NLGN1: variants seen among roughly 807,000 people sequenced by gnomAD.
NLGN1 encodes the protein neuroligin 1.
NLGN1 carries 12 observed loss-of-function variants against 65.5 expected under a neutral mutation model. That is an observed-to-expected ratio of 0.18 (90% CI 0.12 to 0.30). NLGN1 has a LOEUF of 0.30. Ranked by LOEUF, NLGN1 falls within the 10% of genes least tolerant of loss-of-function variation. The pLI, the probability that NLGN1 is intolerant of heterozygous loss-of-function variation, is 1.00. For missense variants in NLGN1, 750 were observed against 1,007.1 expected (o/e 0.74, Z 3.46); for synonymous variants, 350 against 359.5 (o/e 0.97, Z 0.30).
At chr3:173,776,142 C>G (rs1418265743) in intron 3 of NLGN1, among the ~76,000 whole-genome samples, 1 of 152,022 alleles carries the variant, frequency 6.6e-6, no homozygotes, top group East Asian at 1.9e-4. Flanking sequence ...TCCTGGCTAT[C>G]AGTCTCAAAT....
intron 4 of NLGN1, among the ~76,000 whole-genome samples, chr3:174,189,397 A>G (rs934171180): frequency 6.6e-5 from 10 of 152,016 alleles, no homozygotes; most frequent in African/African-American, 2.2e-4. Context: ...TCATTTCATT[A>G]ATAATGAATT....
chr3:173,716,828 C>T (rs570402118), intron 3 of NLGN1, among the ~76,000 whole-genome samples: 1 of 152,018 alleles, frequency 6.6e-6, no homozygotes, highest in Admixed American at 6.6e-5. Context: ...GCCTATTGTT[C>T]CAAGGTGAAT....
intron 4 of NLGN1, among the ~76,000 whole-genome samples, chr3:174,011,668 T>G (rs1263484697): frequency 1.3e-5 from 2 of 152,272 alleles, no homozygotes; most frequent in African/African-American, 4.8e-5. Context: ...AGGAGTTCTC[T>G]TAATTTCTCC....
At chr3:173,643,633 G>A (rs1051317369) in intron 3 of NLGN1, among the ~76,000 whole-genome samples, 1 of 152,186 alleles carries the variant, frequency 6.6e-6, no homozygotes, top group African/African-American at 2.4e-5. Context: ...TGACATGTAA[G>A]AATGTTAGTG....
intron 4 of NLGN1, among the ~76,000 whole-genome samples, chr3:174,266,353 C>T (rs1748242436): frequency 6.6e-6 from 1 of 152,138 alleles, no homozygotes; most frequent in Admixed American, 6.5e-5. Flanking sequence ...ATAATGGCTT[C>T]AAGCTCCATC....
intron 4 of NLGN1, among the ~76,000 whole-genome samples, chr3:173,833,295 AAT>A (rs1183793333): frequency 6.6e-6 from 1 of 152,148 alleles, no homozygotes; most frequent in Non-Finnish European, 1.5e-5. Flanking sequence ...TTTGGTTTAA[AAT>A]ATATGTCAAT....
At chr3:173,642,928 TAA>T (rs994770048) in intron 3 of NLGN1, among the ~76,000 whole-genome samples, 1 of 152,152 alleles carries the variant, frequency 6.6e-6, no homozygotes, top group African/African-American at 2.4e-5. Flanking sequence ...GACAAGACAT[TAA>T]AAGTCATAAC....
intron 4 of NLGN1, among the ~76,000 whole-genome samples, chr3:173,893,746 T>A (rs1486475323): frequency 6.6e-6 from 1 of 152,212 alleles, no homozygotes; most frequent in Non-Finnish European, 1.5e-5. Flanking sequence ...CTCACCTCCC[T>A]TTGTCCTTCG....
chr3:173,704,712 A>C lies in NLGN1; in HGVS notation c.493+99621A>C, dbSNP rs370015371. Among the ~76,000 whole-genome samples, 15 of 152,292 alleles carry C rather than the reference A, an allele frequency of 9.8e-5. No individual in the cohort carries two copies. In the East Asian group the frequency reaches 2.5e-3, roughly 25 times the overall value. Reference sequence around the variant, plus strand: ...TATTCTTAATCAGTTAATGATGATAAAAATGATTGTCATTTATATGTTAGT... The same window carrying C: ...TATTCTTAATCAGTTAATGATGATACAAATGATTGTCATTTATATGTTAGT... On this transcript the variant is annotated intron_variant, in intron 3 of 6. Transcript: ENST00000457714.
At chr3:173,609,298 A>T (rs1751905116) in intron 3 of NLGN1, among the ~76,000 whole-genome samples, 1 of 151,820 alleles carries the variant, frequency 6.6e-6, no homozygotes, top group Non-Finnish European at 1.5e-5. Context: ...TTTTCTATTT[A>T]CCCCAATTTG....
chr3:174,223,533 C>A (rs1282306710), intron 4 of NLGN1, among the ~76,000 whole-genome samples: 1 of 152,052 alleles, frequency 6.6e-6, no homozygotes, highest in Non-Finnish European at 1.5e-5. Flanking sequence ...TACCTAATCT[C>A]ACCCACTCAC....
chr3:174,089,952 C>A (rs1273021302), intron 4 of NLGN1, among the ~76,000 whole-genome samples: 1 of 150,848 alleles, frequency 6.6e-6, no homozygotes, highest in East Asian at 1.9e-4. Flanking sequence ...AGTGGTGGTA[C>A]AATCACTATA....
chr3:173,615,029 GT>G (rs1005721014), intron 3 of NLGN1, among the ~76,000 whole-genome samples: 12 of 151,100 alleles, frequency 7.9e-5, no homozygotes, highest in South Asian at 2.1e-4. Context: ...GAGATGAGTT[GT>G]TTTTTTTTCT....
chr3:174,278,822 C>A (rs753565340), intron 5 of NLGN1, 39 bp from the exon 6 acceptor site: 2 of 1,426,202 alleles, frequency 1.4e-6, no homozygotes, highest in Non-Finnish European at 1.9e-6. Flanking sequence ...ACAACATTAC[C>A]CAAAGATCAT....
intron 4 of NLGN1, among the ~76,000 whole-genome samples, chr3:174,007,443 A>G (rs559268855): frequency 7.9e-5 from 12 of 152,274 alleles, no homozygotes; most frequent in African/African-American, 2.9e-4. Flanking sequence ...CAACTCTCCT[A>G]TCAATAAACA....
chr3:173,894,249 A>G (rs1179533037), intron 4 of NLGN1, among the ~76,000 whole-genome samples: 1 of 152,194 alleles, frequency 6.6e-6, no homozygotes, highest in South Asian at 2.1e-4. Context: ...AGAGGCCAAC[A>G]TCAAACACAC....
At chr3:174,131,046 A>G (rs1720078773) in intron 4 of NLGN1, among the ~76,000 whole-genome samples, 1 of 152,172 alleles carries the variant, frequency 6.6e-6, no homozygotes, top group African/African-American at 2.4e-5. Flanking sequence ...AGTGTAATGA[A>G]TGTATCAATT....
At chr3:174,003,368 A>G (rs1266383189) in intron 4 of NLGN1, among the ~76,000 whole-genome samples, 1 of 152,164 alleles carries the variant, frequency 6.6e-6, no homozygotes, top group East Asian at 1.9e-4. Context: ...TGAGTGGTCC[A>G]TGGACCAGTA....
chr3:173,477,269 A>G (rs1205697316), intron 2 of NLGN1, among the ~76,000 whole-genome samples: 1 of 152,188 alleles, frequency 6.6e-6, no homozygotes, highest in Admixed American at 6.5e-5. Flanking sequence ...GACCAGGTGC[A>G]GTGGTTCATG....
Sources: allele counts gnomAD v4.1 joint callset (sites outside exome capture counted in the v4.1 genomes callset), GRCh38; gene constraint gnomAD v4.1.1; transcripts MANE v1.5; gene names NCBI Gene and HGNC (gene_info 2026-07-23, HGNC 2026-07-21).